The following PDE4B variants were observed in gnomAD, a reference collection of about 807,000 sequenced individuals.
The protein encoded by PDE4B is 3',5'-cyclic-AMP phosphodiesterase 4B.
PDE4B carries 20 observed loss-of-function variants against 82.2 expected under a neutral mutation model. The ratio of observed to expected loss-of-function variants is 0.24; its 90% CI spans 0.17 to 0.35. The LOEUF (loss-of-function observed/expected upper bound fraction) is 0.35. PDE4B is among the 10% of genes least tolerant of loss of function. PDE4B has a pLI of 1.00. For missense variants in PDE4B, 655 were observed against 907.2 expected (o/e 0.72, Z 3.57); for synonymous variants, 320 against 318.9 (o/e 1.00, Z -0.04).
chr1:66,152,104 T>C (rs1646406182), intron 3 of PDE4B, among the ~76,000 whole-genome samples: 3 of 152,136 alleles, frequency 2.0e-5, no homozygotes, highest in African/African-American at 7.2e-5. Context: ...TTTAAGAAAA[T>C]ACAAAAACAA....
At chr1:66,187,274 G>C (rs1355404825) in intron 3 of PDE4B, among the ~76,000 whole-genome samples, 2 of 151,832 alleles carry the variant, frequency 1.3e-5, no homozygotes, top group Non-Finnish European at 2.9e-5. Context: ...TGTTCATCAA[G>C]AATATTGGTC....
At chr1:66,201,146 A>G (rs1648898056) in intron 3 of PDE4B, among the ~76,000 whole-genome samples, 3 of 152,290 alleles carry the variant, frequency 2.0e-5, no homozygotes, top group Admixed American at 1.3e-4. Flanking sequence ...GCTGGATTAC[A>G]TTTATTGATT....
intron 3 of PDE4B, among the ~76,000 whole-genome samples, chr1:66,018,150 G>A (rs530422139): frequency 6.7e-4 from 102 of 152,270 alleles, no homozygotes; most frequent in Middle Eastern, 6.8e-3. Context: ...GGGCACGGTG[G>A]CTCACACCTG....
intron 3 of PDE4B, among the ~76,000 whole-genome samples, chr1:66,143,207 T>C (rs1037634042): frequency 2.6e-5 from 4 of 152,188 alleles, no homozygotes; most frequent in African/African-American, 9.7e-5. Flanking sequence ...TTGTTTCTAG[T>C]GAGAGAAACA....
intron 8 of PDE4B, among the ~76,000 whole-genome samples, chr1:66,338,996 G>A (rs1157588527): frequency 1.4e-5 from 2 of 147,138 alleles, no homozygotes; most frequent in African/African-American, 5.1e-5. Flanking sequence ...TCCAGCCTGG[G>A]CGACAGAGCG....
intron 7 of PDE4B, among the ~76,000 whole-genome samples, chr1:66,291,772 A>G (rs555786010): frequency 2.2e-4 from 33 of 152,182 alleles, no homozygotes; most frequent in Middle Eastern, 3.4e-3. Context: ...CCATGTAATT[A>G]TGAATTGAGA....
intron 15 of PDE4B, among the ~76,000 whole-genome samples, chr1:66,368,369 A>G (rs931999096): frequency 2.0e-5 from 3 of 152,214 alleles, no homozygotes; most frequent in African/African-American, 7.2e-5. Flanking sequence ...TTTAAATCCC[A>G]TTGACTTGAA....
chr1:66,056,645 T>C, intron 3 of PDE4B, among the ~76,000 whole-genome samples: 1 of 151,558 alleles, frequency 6.6e-6, no homozygotes, highest in Non-Finnish European at 1.5e-5. Context: ...TCTAATCACA[T>C]GAATCTTTAA....
At position 66,111,103 on chromosome 1, in the gene PDE4B, G is replaced by A. The variant is rs112787351; in HGVS notation, c.282-136357G>A. The stretch of plus-strand genomic sequence containing the variant: ...TTATTTATAAGTAAATCATGAAATG[G>A]TGCTATTTTAATCACAGATTTAAGG... On this transcript the variant is annotated intron_variant, in intron 3 of 16. Transcript: ENST00000341517. 3.9e-5 allele frequency among the ~76,000 whole-genome samples: 6 copies of A among 152,062 alleles called. 2 individuals carry two copies. The highest frequency in any genetic ancestry group is 1.4e-4 in the African/African-American group (6 of 41,510).
chr1:65,804,923 A>G (rs943216326), intron 1 of PDE4B, among the ~76,000 whole-genome samples: 3 of 130,418 alleles, frequency 2.3e-5, no homozygotes, highest in African/African-American at 8.8e-5. Flanking sequence ...ATTGATACAC[A>G]ATATGTTAAC....
intron 3 of PDE4B, among the ~76,000 whole-genome samples, chr1:66,052,813 T>C (rs1655111037): frequency 1.3e-5 from 2 of 152,170 alleles, no homozygotes; most frequent in South Asian, 4.1e-4. Context: ...CTAGCGGTTT[T>C]CCCAGATGAA....
At chr1:66,233,610 G>T (rs954201299) in intron 3 of PDE4B, among the ~76,000 whole-genome samples, 1 of 152,194 alleles carries the variant, frequency 6.6e-6, no homozygotes, top group Non-Finnish European at 1.5e-5. Context: ...ATTTTATAGA[G>T]AAATAATTCA....
chr1:66,305,145 C>T (rs1055457322), intron 7 of PDE4B, among the ~76,000 whole-genome samples: 3 of 151,928 alleles, frequency 2.0e-5, no homozygotes, highest in Admixed American at 6.6e-5. Context: ...GAAAGCAAAG[C>T]GTAAGGGATG....
chr1:66,168,993 AG>A (rs1557606748), intron 3 of PDE4B, among the ~76,000 whole-genome samples: 3 of 152,248 alleles, frequency 2.0e-5, no homozygotes, highest in Non-Finnish European at 4.4e-5. Flanking sequence ...ACTAAAATGC[AG>A]GATTATCAGC....
chr1:66,116,898 G>T lies in PDE4B; in HGVS notation c.282-130562G>T, dbSNP rs116662846. Among the ~76,000 whole-genome samples the T allele has an allele frequency of 6.8e-3, 1,032 of 152,182 alleles. 12 individuals are homozygous for T. The highest frequency in any genetic ancestry group is 0.023 in the African/African-American group (967 of 41,512). ...GACTTCTAGACAAGGGTTCATTCTG[G>T]TTCCCTTTTCAGCTACAGCCCCAGG... On this transcript the variant is annotated intron_variant, in intron 3 of 16. Coordinates refer to ENST00000341517, the MANE Select transcript of PDE4B (RefSeq NM_002600.4).
intron 3 of PDE4B, among the ~76,000 whole-genome samples, chr1:66,021,154 G>T (rs1653084650): frequency 6.6e-6 from 1 of 152,162 alleles, no homozygotes; most frequent in Non-Finnish European, 1.5e-5. Context: ...CCCACTTTTT[G>T]ATGGGGTTGT....
At chr1:65,907,405 G>A (rs912234873) in intron 1 of PDE4B, among the ~76,000 whole-genome samples, 6 of 152,042 alleles carry the variant, frequency 3.9e-5, no homozygotes, top group South Asian at 2.1e-4. Context: ...TAAAGTTTAC[G>A]GATGATTATA....
intron 7 of PDE4B, among the ~76,000 whole-genome samples, chr1:66,327,899 T>G (rs757050355): frequency 2.0e-5 from 3 of 152,366 alleles, no homozygotes; most frequent in Non-Finnish European, 4.4e-5. Flanking sequence ...CATCTTTCAG[T>G]GCTAAACTGA....
intron 1 of PDE4B, among the ~76,000 whole-genome samples, chr1:65,896,738 A>G (rs1388729012): frequency 6.6e-6 from 1 of 152,128 alleles, no homozygotes; most frequent in Non-Finnish European, 1.5e-5. Flanking sequence ...GCCATTTAAG[A>G]AATTATATTA....
Sources: gnomAD v4.1 joint callset for allele counts (sites outside exome capture counted in the v4.1 genomes callset) on GRCh38, gnomAD v4.1.1 for gene constraint, MANE v1.5 for transcripts, NCBI Gene and HGNC (gene_info 2026-07-23, HGNC 2026-07-21) for gene names.